The following PLPPR1 variants were observed in gnomAD, a reference collection of about 807,000 sequenced individuals.
PLPPR1 encodes phospholipid phosphatase related 1, also known as phospholipid phosphatase-related protein type 1.
Under a neutral mutation model 33.1 loss-of-function variants are expected in PLPPR1, and 10 were observed. The observed-to-expected ratio is 0.30, with a 90% confidence interval of 0.19 to 0.51. The LOEUF is 0.51. Among genes scored for constraint, PLPPR1 ranks in the 20% least tolerant of loss-of-function variants. The pLI is 0.97. For missense variants in PLPPR1, 304 were observed against 408.1 expected (o/e 0.74, Z 2.20); for synonymous variants, 151 against 151.0 (o/e 1.00, Z 0.00).
chr9:101,184,700 T>C (rs1826174941), intron 1 of PLPPR1, among the ~76,000 whole-genome samples: 1 of 151,374 alleles, frequency 6.6e-6, no homozygotes. Flanking sequence ...ACTAATCTCC[T>C]AATACAATTA....
chr9:101,278,213 C>T (rs1828232042), intron 3 of PLPPR1, among the ~76,000 whole-genome samples: 1 of 152,098 alleles, frequency 6.6e-6, no homozygotes. Flanking sequence ...TAGTTTTTTC[C>T]ACAGACTGTT....
chr9:101,058,509 C>T (rs900835018), intron 1 of PLPPR1, among the ~76,000 whole-genome samples: 2 of 152,074 alleles, frequency 1.3e-5, no homozygotes, highest in Non-Finnish European at 2.9e-5. Context: ...TTACTCAATC[C>T]CCCATTGCTA....
intron 3 of PLPPR1, among the ~76,000 whole-genome samples, chr9:101,274,122 C>G (rs1416919218): frequency 3.9e-5 from 6 of 152,206 alleles, no homozygotes; most frequent in African/African-American, 7.2e-5. Context: ...TAAGCACCTA[C>G]AGTTCTACTC....
chr9:101,294,450 T>G (rs1828581519), intron 4 of PLPPR1, among the ~76,000 whole-genome samples: 1 of 152,302 alleles, frequency 6.6e-6, no homozygotes, highest in African/African-American at 2.4e-5. Context: ...TAACTCATTT[T>G]ATGAGGCCAG....
At chr9:101,030,629 AT>A (rs1829934172) in intron 1 of PLPPR1, among the ~76,000 whole-genome samples, 1 of 151,740 alleles carries the variant, frequency 6.6e-6, no homozygotes, top group South Asian at 2.1e-4. Flanking sequence ...GGAGCCTTGT[AT>A]TTTTAGGAAA....
chr9:101,318,486 G>A (rs988136876), intron 7 of PLPPR1, among the ~76,000 whole-genome samples: 2 of 151,694 alleles, frequency 1.3e-5, no homozygotes, highest in Admixed American at 6.6e-5. Flanking sequence ...GAATGCAGAA[G>A]ACAGGCCGAG....
chr9:101,294,573 A>T (rs1828584044), intron 4 of PLPPR1, among the ~76,000 whole-genome samples: 1 of 151,544 alleles, frequency 6.6e-6, no homozygotes. Context: ...GGCAAACCGA[A>T]TCCAGCAGCA....
At chr9:101,134,814 C>T (rs560931289) in intron 1 of PLPPR1, among the ~76,000 whole-genome samples, 5 of 152,192 alleles carry the variant, frequency 3.3e-5, no homozygotes, top group South Asian at 2.1e-4. Context: ...GTGTGGGACA[C>T]GGTGGAACTG....
chr9:101,181,506 A>T (rs536225853), intron 1 of PLPPR1, among the ~76,000 whole-genome samples: 6 of 151,268 alleles, frequency 4.0e-5, no homozygotes, highest in Non-Finnish European at 8.9e-5. Context: ...AAAAATATTT[A>T]TGCGTTCTCA....
chr9:101,087,199 AT>A (rs1322556393), intron 1 of PLPPR1, among the ~76,000 whole-genome samples: 69 of 150,978 alleles, frequency 4.6e-4, no homozygotes, highest in African/African-American at 1.6e-3. Flanking sequence ...AAAAAATAAA[AT>A]AAAAATAAAA....
chr9:101,215,019 T>C (rs1162228382), intron 2 of PLPPR1, among the ~76,000 whole-genome samples: 1 of 131,158 alleles, frequency 7.6e-6, no homozygotes, highest in South Asian at 2.3e-4. Context: ...TAAGACTCCA[T>C]GAAATTAAAA....
intron 1 of PLPPR1, among the ~76,000 whole-genome samples, chr9:101,093,081 G>C (rs141187701): frequency 1.3e-5 from 2 of 152,290 alleles, no homozygotes; most frequent in African/African-American, 4.8e-5. Flanking sequence ...TATTATGGCA[G>C]CTTGAGCTTT....
At chr9:101,201,618 T>C (rs972795213) in intron 2 of PLPPR1, among the ~76,000 whole-genome samples, 2 of 152,176 alleles carry the variant, frequency 1.3e-5, no homozygotes, top group African/African-American at 4.8e-5. Context: ...CAGAGTTAAA[T>C]AGAGTTTTTA....
chr9:101,279,633 A>G (rs1236453526), intron 3 of PLPPR1, among the ~76,000 whole-genome samples: 3 of 152,224 alleles, frequency 2.0e-5, no homozygotes, highest in Admixed American at 1.3e-4. Flanking sequence ...TCTGACCACA[A>G]TGGAATAAAA....
intron 2 of PLPPR1, among the ~76,000 whole-genome samples, chr9:101,193,652 A>G (rs746069910): frequency 1.3e-5 from 2 of 152,186 alleles, no homozygotes; most frequent in African/African-American, 4.8e-5. Flanking sequence ...TGACATTTGT[A>G]TGGTATTTTA....
intron 1 of PLPPR1, among the ~76,000 whole-genome samples, chr9:101,065,257 CTGAGG>C (rs1179978868): frequency 3.3e-5 from 5 of 152,158 alleles, no homozygotes; most frequent in African/African-American, 1.2e-4. Flanking sequence ...CTTTAAGTAG[CTGAGG>C]TATGTATGTA....
At chr9:101,055,950 C>T (rs1830273709) in intron 1 of PLPPR1, among the ~76,000 whole-genome samples, 1 of 152,222 alleles carries the variant, frequency 6.6e-6, no homozygotes, top group Non-Finnish European at 1.5e-5. Flanking sequence ...CTAACTGCCT[C>T]CTGTATCTGT....
chr9:101,214,080 A>T (rs1168238085), intron 2 of PLPPR1, among the ~76,000 whole-genome samples: 1 of 152,204 alleles, frequency 6.6e-6, no homozygotes, highest in Non-Finnish European at 1.5e-5. Context: ...CTGTATAAAG[A>T]GATGGATGAG....
chr9:101,151,323 T>A (rs143198422), intron 1 of PLPPR1, among the ~76,000 whole-genome samples: 2 of 152,232 alleles, frequency 1.3e-5, no homozygotes, highest in Non-Finnish European at 2.9e-5. Flanking sequence ...ATATTCTCTA[T>A]AGAAAATAAT....
Sources: gnomAD v4.1 joint callset for allele counts (sites outside exome capture counted in the v4.1 genomes callset) on GRCh38, gnomAD v4.1.1 for gene constraint, MANE v1.5 for transcripts, NCBI Gene and HGNC (gene_info 2026-07-23, HGNC 2026-07-21) for gene names.